NMNAT2: variants seen among roughly 807,000 people sequenced by gnomAD.
The protein encoded by NMNAT2 is nicotinamide/nicotinic acid mononucleotide adenylyltransferase 2.
A neutral mutation model predicts 41.6 loss-of-function variants in NMNAT2; 11 were observed. The ratio of observed to expected loss-of-function variants is 0.26; its 90% CI spans 0.17 to 0.44. The LOEUF is 0.44. Among genes scored for constraint, NMNAT2 ranks in the 20% least tolerant of loss-of-function variants. The pLI is 1.00. For missense variants in NMNAT2, 288 were observed against 407.7 expected (o/e 0.71, Z 2.53); for synonymous variants, 148 against 151.2 (o/e 0.98, Z 0.16).
intron 7 of NMNAT2, among the ~76,000 whole-genome samples, chr1:183,281,075 G>A (rs958072859): frequency 1.3e-5 from 2 of 152,080 alleles, no homozygotes; most frequent in African/African-American, 2.4e-5. Context: ...TTGAGTCACC[G>A]CGCCCAGCCT....
intron 1 of NMNAT2, among the ~76,000 whole-genome samples, chr1:183,352,233 C>G (rs938868889): frequency 3.9e-5 from 6 of 152,084 alleles, no homozygotes; most frequent in African/African-American, 1.4e-4. Context: ...CTTCTGATTA[C>G]CAATTTAATA....
At chr1:183,271,672 A>G (rs915979831) in intron 8 of NMNAT2, among the ~76,000 whole-genome samples, 1 of 150,148 alleles carries the variant, frequency 6.7e-6, no homozygotes, top group African/African-American at 2.4e-5. Flanking sequence ...AAGGATAAAT[A>G]CATGCTACGT....
chr1:183,415,797 A>G (rs1213034453), intron 1 of NMNAT2, among the ~76,000 whole-genome samples: 1 of 152,252 alleles, frequency 6.6e-6, no homozygotes, highest in Admixed American at 6.5e-5. Context: ...CCAATAAGAC[A>G]TTCTACCAAA....
intron 1 of NMNAT2, among the ~76,000 whole-genome samples, chr1:183,316,384 C>G (rs2102327415): frequency 6.6e-6 from 1 of 152,292 alleles, no homozygotes; most frequent in South Asian, 2.1e-4. Flanking sequence ...GAGGGCTGGC[C>G]CCTCTGTCTC....
chr1:183,373,555 A>C (rs146264640), intron 1 of NMNAT2, among the ~76,000 whole-genome samples: 1 of 152,234 alleles, frequency 6.6e-6, no homozygotes, highest in East Asian at 1.9e-4. Flanking sequence ...ACAAGTGTCC[A>C]CAGCAAGGGT....
chr1:183,316,258 C>A (rs1269458442), intron 1 of NMNAT2, among the ~76,000 whole-genome samples: 1 of 152,132 alleles, frequency 6.6e-6, no homozygotes. Context: ...GAGAGCCATG[C>A]GAACAATGAA....
At chr1:183,326,959 A>G (rs1447049727) in intron 1 of NMNAT2, among the ~76,000 whole-genome samples, 1 of 152,206 alleles carries the variant, frequency 6.6e-6, no homozygotes, top group African/African-American at 2.4e-5. Context: ...CAGTCACACA[A>G]CAGAGAGGGA....
chr1:183,253,099 T>G (rs1456126227), intron 10 of NMNAT2, among the ~76,000 whole-genome samples: 1 of 152,062 alleles, frequency 6.6e-6, no homozygotes, highest in African/African-American at 2.4e-5. Flanking sequence ...AGACACACAG[T>G]GGGCATCTAA....
chr1:183,363,431 C>T (rs940781420), intron 1 of NMNAT2, among the ~76,000 whole-genome samples: 3 of 152,222 alleles, frequency 2.0e-5, no homozygotes, highest in African/African-American at 7.2e-5. Flanking sequence ...CATCCTTCTG[C>T]TCTGATTTTA....
intron 1 of NMNAT2, among the ~76,000 whole-genome samples, chr1:183,352,611 T>A (rs979842869): frequency 4.7e-5 from 7 of 149,712 alleles, no homozygotes; most frequent in Non-Finnish European, 8.9e-5. Context: ...AGAATTCTGG[T>A]CACTGAAATA....
chr1:183,383,928 T>C (rs1289207809), intron 1 of NMNAT2, among the ~76,000 whole-genome samples: 1 of 152,232 alleles, frequency 6.6e-6, no homozygotes, highest in African/African-American at 2.4e-5. Context: ...AGTTCCAAAG[T>C]TGCTTCCACA....
chr1:183,310,315 A>C (rs1662083545), intron 1 of NMNAT2, among the ~76,000 whole-genome samples: 1 of 152,210 alleles, frequency 6.6e-6, no homozygotes, highest in African/African-American at 2.4e-5. Context: ...TCCTTGCATG[A>C]ACAGCAAATG....
At chr1:183,352,688 G>A (rs1174914796) in intron 1 of NMNAT2, among the ~76,000 whole-genome samples, 1 of 152,144 alleles carries the variant, frequency 6.6e-6, no homozygotes, top group Admixed American at 6.5e-5. Context: ...TTGCAAGCCT[G>A]GTTATTGTAA....
At chr1:183,265,257 T>C (rs1215207165) in intron 8 of NMNAT2, among the ~76,000 whole-genome samples, 2 of 124,642 alleles carry the variant, frequency 1.6e-5, no homozygotes, top group African/African-American at 3.0e-5. Context: ...TTCTTCTTCT[T>C]CTTTTTTTTT....
chr1:183,261,375 G>A, intron 8 of NMNAT2, 72 bp from the exon 9 acceptor site: 1 of 1,242,148 alleles, frequency 8.1e-7, no homozygotes, highest in Non-Finnish European at 1.1e-6. Context: ...TACTTAGCAT[G>A]GCAGAATCCG....
At chr1:183,358,847 A>G (rs928935763) in intron 1 of NMNAT2, among the ~76,000 whole-genome samples, 4 of 152,196 alleles carry the variant, frequency 2.6e-5, no homozygotes, top group East Asian at 3.8e-4. Context: ...AGGACGGACG[A>G]TAAGGTTGGT....
chr1:183,348,357 C>A (rs1662976987), intron 1 of NMNAT2, among the ~76,000 whole-genome samples: 1 of 152,198 alleles, frequency 6.6e-6, no homozygotes, highest in African/African-American at 2.4e-5. Flanking sequence ...TCTGGGAATG[C>A]TGAGTGAGTT....
At chr1:183,340,547 C>A (rs931715377) in intron 1 of NMNAT2, among the ~76,000 whole-genome samples, 1 of 152,122 alleles carries the variant, frequency 6.6e-6, no homozygotes, top group African/African-American at 2.4e-5. Flanking sequence ...TGGTTTTGAA[C>A]TCCTGACCTC....
intron 4 of NMNAT2, 106 bp from the exon 5 acceptor site, chr1:183,286,894 G>A: frequency 8.1e-7 from 1 of 1,240,110 alleles, no homozygotes; most frequent in South Asian, 1.6e-5. Flanking sequence ...GCCACCCAGA[G>A]CTGAGGAAGA....
Sources: allele counts gnomAD v4.1 joint callset (sites outside exome capture counted in the v4.1 genomes callset), GRCh38; gene constraint gnomAD v4.1.1; transcripts MANE v1.5; gene names NCBI Gene and HGNC (gene_info 2026-07-23, HGNC 2026-07-21).